Variants in MARCHF1 observed in about 807,000 individuals in gnomAD.
MARCHF1 encodes the protein membrane associated ring-CH-type finger 1.
A neutral mutation model predicts 54.2 loss-of-function variants in MARCHF1; 40 were observed. That is an observed-to-expected ratio of 0.74 (90% CI 0.57 to 0.96). MARCHF1 has a LOEUF of 0.96. Ranked by LOEUF, MARCHF1 falls within the 40% of genes least tolerant of loss-of-function variation. The probability of loss-of-function intolerance (pLI) is 0.00; values close to 1 mark genes in which losing one functional copy is unlikely to be tolerated. For missense variants in MARCHF1, 586 were observed against 656.5 expected (o/e 0.89, Z 1.17); for synonymous variants, 236 against 236.3 (o/e 1.00, Z 0.01).
In MARCHF1 at chr4:163,893,227, C is replaced by G. The variant is rs76332356; in HGVS notation, c.-38-39058G>C. ...GGATCTCAGCTCACTGCAACCTCCGCCTTCCAGTTCAAGCAATTCTCCCAC... is the reference window on the plus strand; with the variant it reads ...GGATCTCAGCTCACTGCAACCTCCGGCTTCCAGTTCAAGCAATTCTCCCAC... On this transcript the variant is annotated intron_variant, in intron 3 of 9. Coordinates refer to ENST00000514618, the MANE Select transcript of MARCHF1 (RefSeq NM_001394959.1). Among the ~76,000 whole-genome samples, 1,165 of 152,226 alleles carry G rather than the reference C, an allele frequency of 7.7e-3. 20 individuals are homozygous for G. The highest frequency in any genetic ancestry group is 0.027 in the African/African-American group (1,132 of 41,508).
chr4:163,888,232 T>C (rs1389205505), intron 3 of MARCHF1, among the ~76,000 whole-genome samples: 1 of 152,070 alleles, frequency 6.6e-6, no homozygotes, highest in Non-Finnish European at 1.5e-5. Context: ...AAAGATGAAA[T>C]GGCCCTCAGA....
At chr4:164,258,443 C>A (rs1487441098) in intron 1 of MARCHF1, among the ~76,000 whole-genome samples, 1 of 145,280 alleles carries the variant, frequency 6.9e-6, no homozygotes, top group Non-Finnish European at 1.5e-5. Context: ...AGAAAAAAAT[C>A]TGTGTCCTAG....
At chr4:164,349,262 G>C (rs1311873004) in intron 1 of MARCHF1, among the ~76,000 whole-genome samples, 2 of 152,144 alleles carry the variant, frequency 1.3e-5, no homozygotes, top group Non-Finnish European at 2.9e-5. Flanking sequence ...ACTTCTCAAA[G>C]TGCTATGAAC....
At chr4:164,343,165 C>T (rs1729977394) in intron 1 of MARCHF1, among the ~76,000 whole-genome samples, 1 of 152,108 alleles carries the variant, frequency 6.6e-6, no homozygotes, top group Admixed American at 6.6e-5. Flanking sequence ...AAAGTGGTAA[C>T]TATGTGCTGT....
chr4:164,377,834 A>C (rs1731240436), intron 1 of MARCHF1, among the ~76,000 whole-genome samples: 1 of 152,214 alleles, frequency 6.6e-6, no homozygotes. Flanking sequence ...TGTTTGATAG[A>C]ACCTGCCTTC....
At chr4:163,923,134 A>G (rs1456094823) in intron 3 of MARCHF1, among the ~76,000 whole-genome samples, 2 of 151,720 alleles carry the variant, frequency 1.3e-5, no homozygotes, top group Non-Finnish European at 2.9e-5. Context: ...TAAACTTCAC[A>G]GGTAAAAAAT....
At chr4:164,090,445 A>G (rs1755274628) in intron 2 of MARCHF1, among the ~76,000 whole-genome samples, 1 of 152,150 alleles carries the variant, frequency 6.6e-6, no homozygotes, top group South Asian at 2.1e-4. Flanking sequence ...AAACAACACT[A>G]TTCAAACAAT....
At chr4:164,093,213 GT>G (rs1755340644) in intron 2 of MARCHF1, among the ~76,000 whole-genome samples, 1 of 152,006 alleles carries the variant, frequency 6.6e-6, no homozygotes, top group Non-Finnish European at 1.5e-5. Context: ...TTAAAGTGTG[GT>G]TTTTAAATTA....
intron 1 of MARCHF1, among the ~76,000 whole-genome samples, chr4:164,236,463 AC>A (rs143492436): frequency 3.9e-3 from 600 of 152,228 alleles, no homozygotes; most frequent in Non-Finnish European, 7.7e-3. Flanking sequence ...CTTTGGCACT[AC>A]GATGGGGCCA....
At chr4:163,650,489 G>A (rs1742925851) in intron 5 of MARCHF1, among the ~76,000 whole-genome samples, 1 of 151,774 alleles carries the variant, frequency 6.6e-6, no homozygotes, top group South Asian at 2.1e-4. Flanking sequence ...TTCTTTGTCT[G>A]TAAAATAAAG....
At chr4:164,191,704 T>G (rs1015485320) in intron 1 of MARCHF1, among the ~76,000 whole-genome samples, 7 of 152,174 alleles carry the variant, frequency 4.6e-5, no homozygotes, top group African/African-American at 1.7e-4. Context: ...TCGAGGCAAA[T>G]GGATTGTTGG....
chr4:163,782,020 A>G (rs1747479353), intron 4 of MARCHF1, among the ~76,000 whole-genome samples: 1 of 152,194 alleles, frequency 6.6e-6, no homozygotes, highest in Admixed American at 6.6e-5. Flanking sequence ...CCTCTGAGCT[A>G]CTGTGTATAA....
intron 1 of MARCHF1, among the ~76,000 whole-genome samples, chr4:164,313,348 C>CAAAAAAAAAAAAAAAAAAAAAA (rs553280791): frequency 1.2e-5 from 1 of 80,240 alleles, no homozygotes; most frequent in African/African-American, 4.7e-5. Context: ...GACTCTGTCT[C>CAAAAAAAAAAAAAAAAAAAAAA]AAAAAAAAAA....
intron 4 of MARCHF1, among the ~76,000 whole-genome samples, chr4:163,759,932 T>A (rs945570911): frequency 2.0e-5 from 3 of 152,208 alleles, no homozygotes; most frequent in Non-Finnish European, 4.4e-5. Flanking sequence ...TGTTCTGATA[T>A]CATGTGTATT....
At chr4:164,154,224 A>G (rs1730016368) in intron 1 of MARCHF1, among the ~76,000 whole-genome samples, 1 of 101,940 alleles carries the variant, frequency 9.8e-6, no homozygotes, top group Non-Finnish European at 1.7e-5. Flanking sequence ...GCCATTTAAA[A>G]GAAAAAGAAA....
At chr4:164,242,183 A>T (rs1364247943) in intron 1 of MARCHF1, among the ~76,000 whole-genome samples, 7 of 150,006 alleles carry the variant, frequency 4.7e-5, no homozygotes, top group East Asian at 2.0e-4. Context: ...CAGGGCACAG[A>T]CAAACAAAAA....
At chr4:163,677,971 G>A (rs1380017692) in intron 5 of MARCHF1, among the ~76,000 whole-genome samples, 1 of 152,194 alleles carries the variant, frequency 6.6e-6, no homozygotes, top group Non-Finnish European at 1.5e-5. Context: ...ATTCATTCAT[G>A]AGTGAATTCA....
intron 1 of MARCHF1, among the ~76,000 whole-genome samples, chr4:164,146,697 T>C (rs1172930316): frequency 6.6e-6 from 1 of 152,136 alleles, no homozygotes; most frequent in Non-Finnish European, 1.5e-5. Context: ...GACTTAAACA[T>C]TAGACCTAAA....
chr4:164,206,192 T>A lies in MARCHF1; in HGVS notation c.-322-94530A>T, dbSNP rs374676223. Among the ~76,000 whole-genome samples the A allele has an allele frequency of 1.1e-4, 17 of 152,300 alleles. 1 individual carries two copies. Among genetic ancestry groups the A allele is most frequent in the African/African-American group, 3.9e-4 (16 of 41,558 alleles). On this transcript the variant is annotated intron_variant, in intron 1 of 9. Coordinates refer to ENST00000514618, the MANE Select transcript of MARCHF1 (RefSeq NM_001394959.1). ...TGGCTCATGCTTGCAATCCCAGCACTTTGGGAGGCTCAGGCAGGCAGATCA... is the reference window on the plus strand; with the variant it reads ...TGGCTCATGCTTGCAATCCCAGCACATTGGGAGGCTCAGGCAGGCAGATCA...
Sources: gnomAD v4.1 joint callset for allele counts (sites outside exome capture counted in the v4.1 genomes callset) on GRCh38, gnomAD v4.1.1 for gene constraint, MANE v1.5 for transcripts, NCBI Gene and HGNC (gene_info 2026-07-23, HGNC 2026-07-21) for gene names.